Variants in CAMTA1 observed in about 807,000 individuals in gnomAD.
CAMTA1 encodes calmodulin-binding transcription activator 1.
In CAMTA1, 27 loss-of-function variants were observed where a neutral mutation model predicts 170.9. The observed-to-expected ratio is 0.16, with a 90% CI of 0.12 to 0.22. CAMTA1 has a LOEUF of 0.22. Ranked by LOEUF, CAMTA1 falls within the 10% of genes least tolerant of loss-of-function variation. The pLI is 1.00. For missense variants in CAMTA1, 1,619 were observed against 2,217.2 expected, an observed-to-expected ratio of 0.73 and a Z score of 5.42; for synonymous variants, 833 against 891.5, an observed-to-expected ratio of 0.93 and a Z score of 1.17.
chr1:7,195,211 C>A lies in CAMTA1; in HGVS notation c.303-54280C>A, dbSNP rs539687395. 1.1e-4 allele frequency among the ~76,000 whole-genome samples: 17 copies of A among 152,318 alleles called. No homozygotes were observed. The highest frequency in any genetic ancestry group is 1.0e-3 in the South Asian group (5 of 4,818). ...GCAGCTTGATGGACATTTGTGCCGTCCACCTTGCAGGCATATGGCAGCTCC... is the reference window on the plus strand; with the variant it reads ...GCAGCTTGATGGACATTTGTGCCGTACACCTTGCAGGCATATGGCAGCTCC... On this transcript the variant is annotated intron_variant, in intron 4 of 22. Coordinates refer to ENST00000303635, the MANE Select transcript of CAMTA1 (RefSeq NM_015215.4). The surrounding 1 kb of genome is among the most constrained non-coding windows in gnomAD (Gnocchi z 4.1).
At position 7,063,256 on chromosome 1, in the gene CAMTA1, G is replaced by A. The variant is rs1469929817; in HGVS notation, c.235-28048G>A. 1.3e-5 allele frequency among the ~76,000 whole-genome samples: 2 copies of A among 152,096 alleles called. No homozygotes were observed. Among genetic ancestry groups the A allele is most frequent in the African/African-American group, 2.4e-5 (1 of 41,388 alleles). ...CACCCCCTAACATCAGGTCAAATCC[G>A]GCCTAGAATTCCTAGTGGAAAGACA... On this transcript the variant is annotated intron_variant, in intron 3 of 22. Coordinates refer to ENST00000303635, the MANE Select transcript of CAMTA1 (RefSeq NM_015215.4). This position sits in a 1 kb window ranked among gnomAD's most constrained non-coding sequence, Gnocchi z 4.3.
At chr1:6,940,806 T>G (rs1019705682) in intron 3 of CAMTA1, among the ~76,000 whole-genome samples, 6 of 111,766 alleles carry the variant, frequency 5.4e-5, no homozygotes, top group African/African-American at 2.0e-4. Flanking sequence ...GCCCCCTTCC[T>G]CACCGACACC....
chr1:6,991,809 C>T lies in CAMTA1; in HGVS notation c.235-99495C>T, dbSNP rs910104199. Among the ~76,000 whole-genome samples, 138 of 152,160 alleles carry T rather than the reference C, an allele frequency of 9.1e-4. 1 individual carries two copies. Among genetic ancestry groups the T allele is most frequent in the African/African-American group, 3.2e-3 (133 of 41,526 alleles). ...CCCTTCCTGGGTTGAAGCGATTCTC[C>T]GGCCTCAGCCTTCTGAGTAGCTGGG... On this transcript the variant is annotated intron_variant, in intron 3 of 22. Coordinates refer to ENST00000303635, the MANE Select transcript of CAMTA1 (RefSeq NM_015215.4).
chr1:7,651,079 G>A (rs902569503), intron 7 of CAMTA1, among the ~76,000 whole-genome samples: 23 of 152,154 alleles, frequency 1.5e-4, no homozygotes, highest in African/African-American at 4.1e-4. Context: ...GCAGCCACAC[G>A]TCCAGGGTTG....
At chr1:7,464,749 G>A (rs186449612) in intron 5 of CAMTA1, among the ~76,000 whole-genome samples, 11 of 152,206 alleles carry the variant, frequency 7.2e-5, no homozygotes, top group African/African-American at 9.6e-5. Flanking sequence ...GCACACTCAC[G>A]GGGGGTCCAA....
At chr1:7,228,719 A>G (rs1662155615) in intron 4 of CAMTA1, among the ~76,000 whole-genome samples, 1 of 152,198 alleles carries the variant, frequency 6.6e-6, no homozygotes, top group African/African-American at 2.4e-5. Flanking sequence ...CCAGCAGAGC[A>G]GGAGGCAGTG....
intron 6 of CAMTA1, among the ~76,000 whole-genome samples, chr1:7,529,568 T>C (rs976105576): frequency 5.9e-5 from 9 of 152,080 alleles, no homozygotes; most frequent in Non-Finnish European, 1.3e-4. Flanking sequence ...GATCTAGGAT[T>C]TGCACCGTGC....
chr1:7,554,359 G>C (rs986444335), intron 6 of CAMTA1, among the ~76,000 whole-genome samples: 2 of 152,104 alleles, frequency 1.3e-5, no homozygotes, highest in Admixed American at 1.3e-4. Flanking sequence ...GCTGTTCTAG[G>C]TGTGAGGTTG....
intron 3 of CAMTA1, among the ~76,000 whole-genome samples, chr1:7,077,884 G>A (rs1026117248): frequency 3.9e-5 from 6 of 151,978 alleles, no homozygotes; most frequent in African/African-American, 1.5e-4. Flanking sequence ...AATGACTTAC[G>A]ACCCATTTCC....
At chr1:7,214,613 G>A (rs572072665) in intron 4 of CAMTA1, among the ~76,000 whole-genome samples, 4 of 152,050 alleles carry the variant, frequency 2.6e-5, no homozygotes, top group Non-Finnish European at 4.4e-5. Flanking sequence ...TGATCCACCC[G>A]CCTTTGCCTC....
chr1:6,910,358 C>T (rs969260801), intron 3 of CAMTA1, among the ~76,000 whole-genome samples: 3 of 152,160 alleles, frequency 2.0e-5, no homozygotes, highest in African/African-American at 7.2e-5. Flanking sequence ...TTCTTTTTAC[C>T]CCAGTTTTCT....
intron 3 of CAMTA1, among the ~76,000 whole-genome samples, chr1:6,964,182 A>G (rs1238693379): frequency 6.6e-6 from 1 of 151,246 alleles, no homozygotes; most frequent in East Asian, 2.0e-4. Context: ...CTGGGTGTTC[A>G]TGTAGGAGTG....
At chr1:6,858,693 C>G (rs1663445238) in intron 3 of CAMTA1, among the ~76,000 whole-genome samples, 1 of 152,134 alleles carries the variant, frequency 6.6e-6, no homozygotes, top group Non-Finnish European at 1.5e-5. Flanking sequence ...ATCGTATTGA[C>G]AGGCTGTAGC....
rs959934002 is a variant in CAMTA1, at chr1:7,463,546, G to C, written c.439-4284G>C. 6.6e-6 allele frequency among the ~76,000 whole-genome samples: 1 copy of C among 152,054 alleles called. No homozygotes were observed. The highest frequency in any genetic ancestry group is 2.4e-5 in the African/African-American group (1 of 41,370). On this transcript the variant is annotated intron_variant, in intron 5 of 22. Coordinates refer to ENST00000303635, the MANE Select transcript of CAMTA1 (RefSeq NM_015215.4). The surrounding 1 kb of genome is among the most constrained non-coding windows in gnomAD (Gnocchi z 4.7). ...AGATTGAGAGACAGGGAGAGACAGA[G>C]AGAGAAAGAAGATGAGACAGATACA... is the stretch of plus-strand genomic sequence containing the variant.
chr1:7,404,206 G>C (rs2149219941), intron 5 of CAMTA1, among the ~76,000 whole-genome samples: 1 of 152,306 alleles, frequency 6.6e-6, no homozygotes, highest in South Asian at 2.1e-4. Context: ...TGGCCCATTG[G>C]CCAACGAGCT....
At chr1:6,983,293 G>A (rs1009715247) in intron 3 of CAMTA1, among the ~76,000 whole-genome samples, 2 of 152,076 alleles carry the variant, frequency 1.3e-5, no homozygotes, top group Non-Finnish European at 2.9e-5. Context: ...ATGTCCTGTG[G>A]AGCCCCCTCT....
intron 4 of CAMTA1, among the ~76,000 whole-genome samples, chr1:7,124,145 C>G (rs1644799723): frequency 6.6e-6 from 1 of 152,144 alleles, no homozygotes; most frequent in Admixed American, 6.5e-5. Context: ...AGTGACTCTA[C>G]TGAGTGGGAG....
chr1:7,611,275 T>C (rs1014671928), intron 6 of CAMTA1, among the ~76,000 whole-genome samples: 1 of 152,216 alleles, frequency 6.6e-6, no homozygotes, highest in Non-Finnish European at 1.5e-5. Flanking sequence ...TTGTGGATTT[T>C]TTTCACAACA....
intron 3 of CAMTA1, among the ~76,000 whole-genome samples, chr1:6,990,511 G>A (rs1461309820): frequency 6.6e-6 from 1 of 152,100 alleles, no homozygotes; most frequent in East Asian, 1.9e-4. Flanking sequence ...ATTATGAACT[G>A]TTTATTTACT....
Sources: gnomAD v4.1 joint callset for allele counts (sites outside exome capture counted in the v4.1 genomes callset) on GRCh38, gnomAD v4.1.1 for gene constraint, Gnocchi (gnomAD v3.1) non-coding constraint, MANE v1.5 for transcripts, NCBI Gene and HGNC (gene_info 2026-07-23, HGNC 2026-07-21) for gene names.